The following UBE3D variants were observed in gnomAD, a reference collection of about 807,000 sequenced individuals.
UBE3D encodes the protein ubiquitin protein ligase E3D.
UBE3D carries 48 observed loss-of-function variants against 49.6 expected under a neutral mutation model. The observed-to-expected ratio is 0.97, with a 90% CI of 0.77 to 1.23. The LOEUF (loss-of-function observed/expected upper bound fraction) is 1.23. Among genes scored for constraint, UBE3D ranks in the 50% most tolerant of loss-of-function variants. The probability of loss-of-function intolerance (pLI) is 0.00; values close to 1 mark genes in which losing one functional copy is unlikely to be tolerated. For synonymous variants in UBE3D, 189 were observed against 174.2 expected, an observed-to-expected ratio of 1.08 and a Z score of -0.67; for missense variants, 452 against 468.4, an observed-to-expected ratio of 0.96 and a Z score of 0.32.
intron 8 of UBE3D, among the ~76,000 whole-genome samples, chr6:83,001,916 T>C (rs916796324): frequency 6.6e-6 from 1 of 151,978 alleles, no homozygotes; most frequent in African/African-American, 2.4e-5. Flanking sequence ...TATCACCTCA[T>C]ATCACAGTGA....
At chr6:82,912,385 G>C (rs868074875) in intron 9 of UBE3D, among the ~76,000 whole-genome samples, 6 of 151,668 alleles carry the variant, frequency 4.0e-5, no homozygotes, top group African/African-American at 1.5e-4. Flanking sequence ...CTGTAAAACT[G>C]TGTCCTAGTT....
intron 5 of UBE3D, among the ~76,000 whole-genome samples, chr6:83,024,805 G>A (rs1167849668): frequency 2.6e-5 from 4 of 152,132 alleles, no homozygotes; most frequent in African/African-American, 7.2e-5. Flanking sequence ...GAAAGGCCAT[G>A]GTTCCCTTTG....
At chr6:82,960,761 A>C (rs1358092501) in intron 8 of UBE3D, among the ~76,000 whole-genome samples, 1 of 151,924 alleles carries the variant, frequency 6.6e-6, no homozygotes, top group African/African-American at 2.4e-5. Context: ...AGTTGCCTCA[A>C]TGTTGCTTTT....
At chr6:83,009,405 G>A (rs1780197304) in intron 8 of UBE3D, among the ~76,000 whole-genome samples, 1 of 151,722 alleles carries the variant, frequency 6.6e-6, no homozygotes, top group South Asian at 2.1e-4. Context: ...TCATCTAGCT[G>A]AGCAAGACAG....
At chr6:83,041,748 T>C (rs921102227) in intron 4 of UBE3D, among the ~76,000 whole-genome samples, 1 of 152,124 alleles carries the variant, frequency 6.6e-6, no homozygotes, top group African/African-American at 2.4e-5. Context: ...TAATAATTAC[T>C]AAGTACTCCA....
chr6:82,949,404 G>A (rs1775628913), intron 9 of UBE3D, among the ~76,000 whole-genome samples: 1 of 151,916 alleles, frequency 6.6e-6, no homozygotes. Context: ...CATGTTCATG[G>A]ACTGGAAGAA....
intron 9 of UBE3D, among the ~76,000 whole-genome samples, chr6:82,951,050 G>A (rs1464249268): frequency 6.6e-6 from 1 of 151,820 alleles, no homozygotes; most frequent in Non-Finnish European, 1.5e-5. Flanking sequence ...GCACAACAGG[G>A]TGACTATAGT....
chr6:82,896,229 T>A (rs1244791428), intron 9 of UBE3D, among the ~76,000 whole-genome samples: 1 of 152,212 alleles, frequency 6.6e-6, no homozygotes, highest in Non-Finnish European at 1.5e-5. Flanking sequence ...CCATTTATTT[T>A]AAGAGAGGAT....
chr6:83,052,500 C>A (rs980583436), intron 3 of UBE3D, among the ~76,000 whole-genome samples: 4 of 151,998 alleles, frequency 2.6e-5, no homozygotes, highest in Admixed American at 6.6e-5. Flanking sequence ...TAGGAGCCAA[C>A]GAGGGGGAGA....
chr6:82,994,473 C>T (rs1332982559), intron 8 of UBE3D, among the ~76,000 whole-genome samples: 3 of 152,094 alleles, frequency 2.0e-5, no homozygotes, highest in Non-Finnish European at 4.4e-5. Context: ...AAACTGGAGC[C>T]AGGCTCTAGA....
chr6:83,001,847 C>T (rs1779657431), intron 8 of UBE3D, among the ~76,000 whole-genome samples: 2 of 152,128 alleles, frequency 1.3e-5, no homozygotes, highest in Admixed American at 6.5e-5. Flanking sequence ...CATAACTTTG[C>T]CATAACCCAG....
intron 9 of UBE3D, among the ~76,000 whole-genome samples, chr6:82,956,657 T>C (rs527951636): frequency 1.3e-5 from 2 of 152,326 alleles, no homozygotes; most frequent in South Asian, 4.1e-4. Context: ...CTGGGTCTCC[T>C]GCAAACTTGG....
At position 82,892,691 on chromosome 6, in the gene UBE3D, G is replaced by A. The variant is rs1582256394; in HGVS notation, c.*331C>T. 2.9e-6 allele frequency: 1 copy of A among 341,430 alleles called. No individual in the cohort carries two copies. The highest frequency in any genetic ancestry group is 6.8e-5 in the East Asian group (1 of 14,614). 21.2% of individuals were successfully genotyped at this position (341,430 alleles called of 1,614,324 possible). On this transcript the variant is annotated 3_prime_UTR_variant, in exon 10 of 10. Coordinates refer to ENST00000369747, the MANE Select transcript of UBE3D (RefSeq NM_198920.3). ...CACTGGATTCCACACAGGACAGATG[G>A]ATCTCCATTAGGTAATAACCTTCCA...
intron 9 of UBE3D, among the ~76,000 whole-genome samples, chr6:82,950,521 A>C (rs975539513): frequency 1.3e-5 from 2 of 152,190 alleles, no homozygotes; most frequent in South Asian, 4.1e-4. Context: ...TAATCCCAGC[A>C]CTTTGGGAGG....
chr6:83,022,667 C>T, intron 6 of UBE3D, 106 bp from the exon 7 acceptor site: 1 of 644,824 alleles, frequency 1.6e-6, no homozygotes, highest in Non-Finnish European at 2.5e-6. Flanking sequence ...GACATATCCA[C>T]ATGCCAGACT....
intron 9 of UBE3D, among the ~76,000 whole-genome samples, chr6:82,898,423 C>A (rs1375951182): frequency 2.0e-5 from 3 of 152,118 alleles, no homozygotes; most frequent in African/African-American, 7.2e-5. Context: ...GACTTGGAAC[C>A]AACACAAATG....
At chr6:82,988,247 A>AT (rs1372633482) in intron 8 of UBE3D, among the ~76,000 whole-genome samples, 13 of 152,154 alleles carry the variant, frequency 8.5e-5, no homozygotes, top group African/African-American at 3.1e-4. Flanking sequence ...TTAATGCTTT[A>AT]TTTTTAAAAC....
At position 83,022,563 on chromosome 6, in the gene UBE3D, T is replaced by C; in HGVS notation, c.738-2A>G. On this transcript the variant is annotated splice_acceptor_variant, in intron 6 of 9. Transcript: ENST00000369747. LOFTEE classifies it high-confidence loss of function. ...ATCACGCTCTGGACAAACCAAGACC[T>C]GTTTGAACAGAAATCAATTTTTACA... 6.4e-7 allele frequency: 1 copy of C among 1,561,882 alleles called. No homozygotes were observed. Among genetic ancestry groups the C allele is most frequent in the East Asian group, 2.3e-5 (1 of 42,602 alleles).
chr6:82,924,847 ACT>A (rs1773627107), intron 9 of UBE3D: 1 of 151,938 alleles, frequency 6.6e-6, no homozygotes, highest in Admixed American at 6.6e-5. Context: ...CTAACTAAAA[ACT>A]CTATTAGAAT....
Sources: allele counts gnomAD v4.1 joint callset (sites outside exome capture counted in the v4.1 genomes callset), GRCh38; gene constraint gnomAD v4.1.1; transcripts MANE v1.5; gene names NCBI Gene and HGNC (gene_info 2026-07-23, HGNC 2026-07-21).